Variants in DLG2 observed in about 807,000 individuals in gnomAD.
DLG2 encodes disks large homolog 2.
Under a neutral mutation model 132.5 loss-of-function variants are expected in DLG2, and 45 were observed. That is an observed-to-expected ratio of 0.34 (90% CI 0.27 to 0.44). The LOEUF (loss-of-function observed/expected upper bound fraction) is 0.44, where lower values mean the gene tolerates loss of function less well. Ranked by LOEUF, DLG2 falls within the 20% of genes least tolerant of loss-of-function variation. The pLI is 1.00. For synonymous variants in DLG2, 424 were observed against 419.6 expected, an observed-to-expected ratio of 1.01 and a Z score of -0.13; for missense variants, 1,045 against 1,196.9, an observed-to-expected ratio of 0.87 and a Z score of 1.87.
chr11:83,651,715 C>A, intron 18 of DLG2: 6 of 347,680 alleles, frequency 1.7e-5, no homozygotes, highest in South Asian at 4.9e-5. Context: ...AAGAGAATGC[C>A]CTCGGAAGTC....
chr11:85,552,785 G>T (rs992779367), intron 3 of DLG2, among the ~76,000 whole-genome samples: 1 of 151,200 alleles, frequency 6.6e-6, no homozygotes, highest in Non-Finnish European at 1.5e-5. Context: ...ATGTTATGGA[G>T]GATAGAATAA....
intron 18 of DLG2, among the ~76,000 whole-genome samples, chr11:83,757,048 C>T (rs898416670): frequency 6.6e-6 from 1 of 152,166 alleles, no homozygotes; most frequent in African/African-American, 2.4e-5. Flanking sequence ...ATCACCTGTC[C>T]TATTCACCGA....
intron 4 of DLG2, among the ~76,000 whole-genome samples, chr11:85,170,033 A>C (rs769066855): frequency 4.6e-5 from 7 of 152,216 alleles, no homozygotes. Flanking sequence ...GCTAAGCCTA[A>C]AAATAGGAGA....
At chr11:84,093,319 G>A (rs550605094) in intron 10 of DLG2, among the ~76,000 whole-genome samples, 3 of 152,280 alleles carry the variant, frequency 2.0e-5, no homozygotes, top group East Asian at 3.9e-4. Flanking sequence ...ATTGTTGGCT[G>A]TCAGCCTGGG....
chr11:83,574,846 C>T (rs901607099), intron 19 of DLG2, among the ~76,000 whole-genome samples: 27 of 152,164 alleles, frequency 1.8e-4, no homozygotes, highest in Non-Finnish European at 8.8e-5. Context: ...ATGCCCTAGG[C>T]ACAACCACTT....
chr11:83,579,394 C>T (rs528794265), intron 19 of DLG2, among the ~76,000 whole-genome samples: 1 of 152,158 alleles, frequency 6.6e-6, no homozygotes, highest in Non-Finnish European at 1.5e-5. Flanking sequence ...CCTTAGACTA[C>T]GTAGCTATGG....
chr11:84,790,532 G>T (rs1176302646), intron 6 of DLG2, among the ~76,000 whole-genome samples: 1 of 152,006 alleles, frequency 6.6e-6, no homozygotes, highest in Non-Finnish European at 1.5e-5. Flanking sequence ...CCATTCTGTG[G>T]GTTTTCTCTT....
intron 3 of DLG2, among the ~76,000 whole-genome samples, chr11:85,575,150 CAA>C (rs201767866): frequency 3.1e-5 from 4 of 128,312 alleles, no homozygotes; most frequent in Non-Finnish European, 5.1e-5. Context: ...ACCTCATTCA[CAA>C]AAAAAAAAAA....
intron 6 of DLG2, among the ~76,000 whole-genome samples, chr11:84,758,316 T>G (rs1043146594): frequency 6.6e-6 from 1 of 152,256 alleles, no homozygotes; most frequent in Non-Finnish European, 1.5e-5. Flanking sequence ...GTAGAGCTGT[T>G]AGAACTTGAG....
chr11:85,395,420 C>G (rs1412516836), intron 3 of DLG2, among the ~76,000 whole-genome samples: 1 of 152,096 alleles, frequency 6.6e-6, no homozygotes, highest in East Asian at 1.9e-4. Context: ...GTGGGTGCAG[C>G]CCATGGAGGG....
chr11:84,355,550 A>G (rs896727158), intron 7 of DLG2, among the ~76,000 whole-genome samples: 5 of 152,090 alleles, frequency 3.3e-5, no homozygotes, highest in Non-Finnish European at 5.9e-5. Context: ...TGGATTCCCC[A>G]GCCTCCAGAA....
chr11:84,249,802 G>C (rs929709280), intron 8 of DLG2, among the ~76,000 whole-genome samples: 15 of 152,148 alleles, frequency 9.9e-5, no homozygotes, highest in African/African-American at 3.4e-4. Flanking sequence ...CTTGTTTCCG[G>C]TCTGGTCCCA....
At chr11:84,672,973 G>A (rs1184269795) in intron 6 of DLG2, among the ~76,000 whole-genome samples, 3 of 152,124 alleles carry the variant, frequency 2.0e-5, no homozygotes, top group Non-Finnish European at 4.4e-5. Flanking sequence ...AGCAGGACAC[G>A]GTGTGTTGGG....
chr11:83,676,090 A>G (rs1470612790), intron 18 of DLG2, among the ~76,000 whole-genome samples: 2 of 152,088 alleles, frequency 1.3e-5, no homozygotes, highest in Non-Finnish European at 2.9e-5. Flanking sequence ...TCCTGGGGAG[A>G]CTGTCTTTAT....
At chr11:83,856,283 T>A (rs2060522880) in intron 16 of DLG2, among the ~76,000 whole-genome samples, 1 of 152,202 alleles carries the variant, frequency 6.6e-6, no homozygotes, top group African/African-American at 2.4e-5. Context: ...TGAATAGTGC[T>A]GCAATGAACA....
chr11:83,801,709 G>A (rs2044437741), intron 17 of DLG2, among the ~76,000 whole-genome samples: 1 of 151,942 alleles, frequency 6.6e-6, no homozygotes, highest in African/African-American at 2.4e-5. Context: ...TAATTCATCT[G>A]GTTTTACTTT....
chr11:83,482,779 C>T (rs1476266608), intron 22 of DLG2, among the ~76,000 whole-genome samples: 1 of 152,142 alleles, frequency 6.6e-6, no homozygotes, highest in East Asian at 1.9e-4. Flanking sequence ...CGAAACAGCT[C>T]CTTTACTAAC....
At chr11:84,877,642 CT>C (rs1447570237) in intron 6 of DLG2, among the ~76,000 whole-genome samples, 6 of 149,174 alleles carry the variant, frequency 4.0e-5, no homozygotes, top group African/African-American at 1.5e-4. Flanking sequence ...TGGGTCTTGA[CT>C]TTTTACCGAT....
chr11:84,885,902 T>C (rs1943725), intron 6 of DLG2, among the ~76,000 whole-genome samples: 125,103 of 151,992 alleles, frequency 0.82, 52,571 homozygotes, highest in Middle Eastern at 0.95. Context: ...AATAGATACA[T>C]GAAATAATAT....
Sources: gnomAD v4.1 joint callset for allele counts (sites outside exome capture counted in the v4.1 genomes callset) on GRCh38, gnomAD v4.1.1 for gene constraint, MANE v1.5 for transcripts, NCBI Gene and HGNC (gene_info 2026-07-23, HGNC 2026-07-21) for gene names.